The following SH3PXD2B variants were observed in gnomAD, a reference collection of about 807,000 sequenced individuals.
SH3PXD2B encodes the protein SH3 and PX domain-containing protein 2B.
Under a neutral mutation model 73.1 loss-of-function variants are expected in SH3PXD2B, and 37 were observed. The observed-to-expected ratio is 0.51, with a 90% confidence interval of 0.39 to 0.67. The LOEUF is 0.67. SH3PXD2B is among the 30% of genes least tolerant of loss of function. The pLI, the probability that SH3PXD2B is intolerant of heterozygous loss-of-function variation, is 0.00. For synonymous variants in SH3PXD2B, 457 were observed against 480.5 expected, an observed-to-expected ratio of 0.95 and a Z score of 0.64; for missense variants, 1,053 against 1,197.8, an observed-to-expected ratio of 0.88 and a Z score of 1.78.
intron 1 of SH3PXD2B, among the ~76,000 whole-genome samples, chr5:172,447,186 AAAGCACAGAC>A (rs1036569090): frequency 2.6e-5 from 4 of 152,238 alleles, no homozygotes; most frequent in African/African-American, 9.6e-5. Flanking sequence ...AAAGCACAGA[AAAGCACAGAC>A]AAGCAGAAAA....
intron 3 of SH3PXD2B, among the ~76,000 whole-genome samples, chr5:172,398,243 G>T (rs1463235031): frequency 6.6e-6 from 1 of 152,172 alleles, no homozygotes. Context: ...CCTAAAAATT[G>T]GCCTCTCATA....
chr5:172,435,715 C>G (rs564993429), intron 1 of SH3PXD2B, among the ~76,000 whole-genome samples: 3 of 152,180 alleles, frequency 2.0e-5, no homozygotes, highest in Non-Finnish European at 2.9e-5. Context: ...CGAGCCATCA[C>G]GCACAGCCAA....
At chr5:172,363,316 A>G (rs1018935317) in intron 6 of SH3PXD2B, among the ~76,000 whole-genome samples, 2 of 152,118 alleles carry the variant, frequency 1.3e-5, no homozygotes, top group African/African-American at 4.8e-5. Flanking sequence ...CCCATCCAAA[A>G]TCACTCGCCT....
chr5:172,435,676 G>A (rs876926), intron 1 of SH3PXD2B, among the ~76,000 whole-genome samples: 57,599 of 151,936 alleles, frequency 0.38, 11,131 homozygotes, highest in Non-Finnish European at 0.42. Flanking sequence ...TACCTGCCTC[G>A]GCCTCCCAAA....
chr5:172,385,791 C>A (rs1205971825), intron 4 of SH3PXD2B, among the ~76,000 whole-genome samples: 1 of 152,216 alleles, frequency 6.6e-6, no homozygotes, highest in East Asian at 1.9e-4. Context: ...AAACCAAACC[C>A]CTAAACCATA....
In SH3PXD2B at chr5:172,335,771, C is replaced by G; in HGVS notation, c.*2598G>C. 2 of 1,230,766 alleles carry G rather than the reference C, an allele frequency of 1.6e-6. No individual in the cohort carries two copies. The highest frequency in any genetic ancestry group is 8.4e-5 in the South Asian group (2 of 23,766). The allele number at this position is 1,230,766 out of a possible 1,614,324, so 76.2% of individuals were successfully genotyped here. On this transcript the variant is annotated 3_prime_UTR_variant, in exon 13 of 13. Transcript: ENST00000311601. ...GACAGCTAGGAGAGTGACTGGCCAC[C>G]CTGACCCACCCACTGCCTGGGGAAG... is the stretch of plus-strand genomic sequence containing the variant.
intron 3 of SH3PXD2B, 80 bp from the exon 4 acceptor site, chr5:172,394,719 C>A (rs983882315): frequency 2.7e-6 from 4 of 1,488,276 alleles, no homozygotes; most frequent in South Asian, 1.2e-5. Context: ...GTGGACATGG[C>A]GGTTCCTAGG....
intron 12 of SH3PXD2B, among the ~76,000 whole-genome samples, chr5:172,341,139 C>T (rs1004939665): frequency 1.3e-4 from 20 of 152,138 alleles, no homozygotes; most frequent in African/African-American, 4.1e-4. Context: ...AAGGTGTGCT[C>T]GCTATTATGG....
intron 6 of SH3PXD2B, among the ~76,000 whole-genome samples, chr5:172,368,853 G>GTA (rs539925954): frequency 1.1e-3 from 135 of 123,278 alleles, no homozygotes; most frequent in African/African-American, 3.3e-3. Flanking sequence ...ATAATATATA[G>GTA]TATATATATA....
intron 1 of SH3PXD2B, among the ~76,000 whole-genome samples, chr5:172,423,005 C>CCTGCTTCCT (rs1172610280): frequency 6.6e-6 from 1 of 152,206 alleles, no homozygotes; most frequent in Admixed American, 6.5e-5. Context: ...GCTAACAGCA[C>CCTGCTTCCT]CTGCTTCCTC....
chr5:172,426,651 T>C (rs1425438796), intron 1 of SH3PXD2B, among the ~76,000 whole-genome samples: 2 of 152,224 alleles, frequency 1.3e-5, no homozygotes, highest in Non-Finnish European at 2.9e-5. Flanking sequence ...GCCCTGCTGA[T>C]GAATGATGGC....
chr5:172,414,286 C>T (rs1252249491), intron 2 of SH3PXD2B, among the ~76,000 whole-genome samples: 8 of 151,582 alleles, frequency 5.3e-5, no homozygotes, highest in Non-Finnish European at 7.4e-5. Context: ...CTGACCAACA[C>T]GGCAAAACCC....
chr5:172,401,869 C>T (rs1241978653), intron 3 of SH3PXD2B, among the ~76,000 whole-genome samples: 3 of 152,242 alleles, frequency 2.0e-5, no homozygotes, highest in Admixed American at 1.3e-4. Flanking sequence ...CCATCATCTT[C>T]GTAAGCTGAG....
Position 172,373,805 on chromosome 5 carries a change from C to T in SH3PXD2B, c.412G>A (p.Gly138Arg). The T allele has an allele frequency of 6.2e-7, 1 of 1,613,938 alleles. No individual in the cohort carries two copies. The highest frequency in any genetic ancestry group is 8.5e-7 in the Non-Finnish European group (1 of 1,179,952). ...ATATTCTTACCAGATTTCTTTTTCCCAATGTGCTCCCTGTACAGGAAAGAA... is the reference window on the plus strand; with the variant it reads ...ATATTCTTACCAGATTTCTTTTTCCTAATGTGCTCCCTGTACAGGAAAGAA... ...DLNPPKEEHI[G>R]KKKSGGDQTS... The change falls in exon 6 of 13, where the codon GGG becomes AGG. Residue 138 changes from glycine to arginine, a missense_variant. Physicochemically the swap from Gly to Arg is moderately radical, Grantham distance 125. This residue lies in a region of SH3PXD2B where 466 missense variants were observed against 607.1 expected (regional missense o/e 0.77). Transcript: ENST00000311601.
chr5:172,369,858 C>T (rs1757664057), intron 6 of SH3PXD2B, among the ~76,000 whole-genome samples: 1 of 151,704 alleles, frequency 6.6e-6, no homozygotes, highest in Non-Finnish European at 1.5e-5. Flanking sequence ...ATTCAAATGC[C>T]TTCCTTCACA....
intron 2 of SH3PXD2B, among the ~76,000 whole-genome samples, chr5:172,419,685 T>C (rs2113459211): frequency 6.6e-6 from 1 of 152,212 alleles, no homozygotes; most frequent in East Asian, 1.9e-4. Context: ...CTGCTCTGGG[T>C]TTCAGGGAAC....
In SH3PXD2B at chr5:172,333,791, CCT is replaced by C; in HGVS notation, c.*4576_*4577del. The C allele has an allele frequency of 1.6e-6, 2 of 1,289,034 alleles. No homozygotes were observed. The highest frequency in any genetic ancestry group is 2.0e-6 in the Non-Finnish European group (2 of 988,668). 79.8% of individuals were successfully genotyped at this position (1,289,034 alleles called of 1,614,324 possible). A position where few individuals can be genotyped will look rare whatever the true frequency, so the allele number is the denominator to read the frequency against. On this transcript the variant is annotated 3_prime_UTR_variant, in exon 13 of 13. Transcript: ENST00000311601. ...GTTCCTGGAGGGAGGTAAGAAATGG[CCT>C]GTTACTTGGAAGCTCCCCAAAGCAG...
intron 4 of SH3PXD2B, among the ~76,000 whole-genome samples, chr5:172,391,929 A>G (rs1312737576): frequency 6.6e-6 from 1 of 152,186 alleles, no homozygotes; most frequent in Admixed American, 6.5e-5. Flanking sequence ...GTTTTCTTCT[A>G]GAAGTTTTAC....
intron 3 of SH3PXD2B, among the ~76,000 whole-genome samples, chr5:172,401,622 G>A (rs1758422828): frequency 6.6e-6 from 1 of 152,182 alleles, no homozygotes; most frequent in African/African-American, 2.4e-5. Context: ...GGAAGTCAGG[G>A]ACCCCGAACG....
Sources: gnomAD v4.1 joint callset for allele counts (sites outside exome capture counted in the v4.1 genomes callset) on GRCh38, gnomAD v4.1.1 for gene constraint, gnomAD v4.1.1 regional missense constraint, MANE v1.5 for transcripts, NCBI Gene and HGNC (gene_info 2026-07-23, HGNC 2026-07-21) for gene names.